FAM53B: variants seen among roughly 807,000 people sequenced by gnomAD.
FAM53B encodes family with sequence similarity 53 member B, also known as protein FAM53B.
Under a neutral mutation model 32.7 loss-of-function variants are expected in FAM53B, and 12 were observed. The ratio of observed to expected loss-of-function variants is 0.37; its 90% CI spans 0.24 to 0.59. The LOEUF (loss-of-function observed/expected upper bound fraction) is 0.59, where lower values mean the gene tolerates loss of function less well. FAM53B is among the 20% of genes least tolerant of loss of function. The pLI, the probability that FAM53B is intolerant of heterozygous loss-of-function variation, is 0.72. For synonymous variants in FAM53B, 234 were observed against 228.7 expected, an observed-to-expected ratio of 1.02 and a Z score of -0.21; for missense variants, 477 against 577.7, an observed-to-expected ratio of 0.83 and a Z score of 1.79.
chr10:124,741,255 G>A (rs931733921), intron 1 of FAM53B, among the ~76,000 whole-genome samples: 10 of 152,134 alleles, frequency 6.6e-5, no homozygotes, highest in Non-Finnish European at 2.9e-5. Context: ...GGGTTGTGCC[G>A]ATCTGAGTAT....
chr10:124,716,896 C>A (rs1950041385), intron 1 of FAM53B, among the ~76,000 whole-genome samples: 2 of 152,046 alleles, frequency 1.3e-5, no homozygotes, highest in Admixed American at 6.6e-5. Flanking sequence ...AATGAGGGGA[C>A]CGCAGCGGGC....
chr10:124,704,534 G>A (rs1949937259), intron 2 of FAM53B, among the ~76,000 whole-genome samples: 1 of 152,152 alleles, frequency 6.6e-6, no homozygotes, highest in Admixed American at 6.5e-5. Context: ...AGGAGGGAGG[G>A]AGTATGTCCT....
chr10:124,667,323 T>C, intron 4 of FAM53B: 1 of 699,548 alleles, frequency 1.4e-6, no homozygotes, highest in Non-Finnish European at 2.6e-6. Context: ...TTTTAAATTA[T>C]ATATGTGGCT....
At chr10:124,700,196 C>T (rs1347173305) in intron 2 of FAM53B, among the ~76,000 whole-genome samples, 1 of 152,236 alleles carries the variant, frequency 6.6e-6, no homozygotes, top group Non-Finnish European at 1.5e-5. Context: ...ATGGGCAAAC[C>T]AGCAGAGTTC....
At chr10:124,639,734 T>C (rs1355690012) in intron 4 of FAM53B, among the ~76,000 whole-genome samples, 1 of 152,112 alleles carries the variant, frequency 6.6e-6, no homozygotes, top group Non-Finnish European at 1.5e-5. Context: ...TGGCAGAATA[T>C]ACAAACACAG....
At chr10:124,650,429 C>T (rs949653346) in intron 4 of FAM53B, among the ~76,000 whole-genome samples, 9 of 152,172 alleles carry the variant, frequency 5.9e-5, no homozygotes, top group South Asian at 2.1e-4. Flanking sequence ...CTGAAAGTAA[C>T]GGTGGTTATG....
intron 1 of FAM53B, among the ~76,000 whole-genome samples, chr10:124,728,637 T>C (rs1021835863): frequency 5.9e-5 from 9 of 152,254 alleles, no homozygotes; most frequent in Non-Finnish European, 1.3e-4. Context: ...TGATGACTTC[T>C]ATGCAAGATA....
intron 1 of FAM53B, among the ~76,000 whole-genome samples, chr10:124,709,764 G>A (rs1949987693): frequency 6.6e-6 from 1 of 150,474 alleles, no homozygotes. Context: ...CAATCTCCAA[G>A]AAATCCTATA....
intron 4 of FAM53B, among the ~76,000 whole-genome samples, chr10:124,675,005 T>C (rs1258529804): frequency 2.0e-5 from 3 of 152,194 alleles, no homozygotes; most frequent in African/African-American, 7.2e-5. Context: ...TGGCTCTCAA[T>C]TGAAGCGTGG....
chr10:124,704,671 C>G (rs931526424), intron 2 of FAM53B, among the ~76,000 whole-genome samples: 1 of 152,120 alleles, frequency 6.6e-6, no homozygotes, highest in Admixed American at 6.5e-5. Context: ...GAGATGAGGT[C>G]AAAGCAGTCA....
chr10:124,679,410 C>T (rs1477534770), intron 4 of FAM53B, among the ~76,000 whole-genome samples: 1 of 152,218 alleles, frequency 6.6e-6, no homozygotes, highest in African/African-American at 2.4e-5. Flanking sequence ...GTGCACTCGC[C>T]AGGGCTCTTG....
At chr10:124,703,979 A>G (rs530385115) in intron 2 of FAM53B, 1 of 152,556 alleles carries the variant, frequency 6.6e-6, no homozygotes, top group African/African-American at 2.4e-5. Flanking sequence ...AGAGCAGCTC[A>G]GCTGACCTTG....
chr10:124,630,188 G>A (rs954423694), intron 4 of FAM53B, among the ~76,000 whole-genome samples: 1 of 152,234 alleles, frequency 6.6e-6, no homozygotes, highest in African/African-American at 2.4e-5. Flanking sequence ...CAAGGCAGGT[G>A]GATTGCTTGA....
intron 4 of FAM53B, among the ~76,000 whole-genome samples, chr10:124,661,761 T>C (rs1949632638): frequency 6.6e-6 from 1 of 152,222 alleles, no homozygotes; most frequent in Non-Finnish European, 1.5e-5. Context: ...CTGCTCGTTG[T>C]CCCCACTTAA....
intron 1 of FAM53B, among the ~76,000 whole-genome samples, chr10:124,716,014 C>T (rs1273902543): frequency 6.6e-6 from 1 of 152,198 alleles, no homozygotes; most frequent in Non-Finnish European, 1.5e-5. Flanking sequence ...TTGAGTCCTC[C>T]AAGCACCTTG....
chr10:124,660,286 C>T (rs1280415606), intron 4 of FAM53B, among the ~76,000 whole-genome samples: 2 of 152,188 alleles, frequency 1.3e-5, no homozygotes, highest in Non-Finnish European at 2.9e-5. Flanking sequence ...CTCGCTCTGG[C>T]CCACACTGTC....
intron 2 of FAM53B, among the ~76,000 whole-genome samples, chr10:124,703,180 G>A (rs1437228664): frequency 6.6e-6 from 1 of 152,162 alleles, no homozygotes; most frequent in African/African-American, 2.4e-5. Context: ...AAGTAGCTGG[G>A]ACTACAGGCG....
At chr10:124,735,166 G>C (rs541086152) in intron 1 of FAM53B, among the ~76,000 whole-genome samples, 2 of 152,164 alleles carry the variant, frequency 1.3e-5, no homozygotes, top group African/African-American at 4.8e-5. Context: ...CCACTGCAAA[G>C]CACCTAAAGA....
In FAM53B at chr10:124,671,772, G is replaced by GT. The variant is rs879824134; in HGVS notation, c.906+9834dup. Among the ~76,000 whole-genome samples, 262 of 146,704 alleles carry GT rather than the reference G, an allele frequency of 1.8e-3. 1 individual carries two copies. The highest frequency in any genetic ancestry group is 4.3e-3 in the African/African-American group (172 of 40,166). ...CAACTGTTGCTTTTGTTTTCCAAGA[G>GT]TTTTTTTTTTTAAGCCACTCCTCCC... On this transcript the variant is annotated intron_variant, in intron 4 of 4. Transcript: ENST00000337318.
Sources: allele counts gnomAD v4.1 joint callset (sites outside exome capture counted in the v4.1 genomes callset), GRCh38; gene constraint gnomAD v4.1.1; transcripts MANE v1.5; gene names NCBI Gene and HGNC (gene_info 2026-07-23, HGNC 2026-07-21).